Variants in FANCI observed in about 807,000 individuals in gnomAD.
FANCI encodes Fanconi anemia group I protein.
In FANCI, 156 loss-of-function variants were observed where a neutral mutation model predicts 176.1. That is an observed-to-expected ratio of 0.89 (90% CI 0.78 to 1.01). The LOEUF is 1.01. Among genes scored for constraint, FANCI ranks in the 50% least tolerant of loss-of-function variants. The pLI, the probability that FANCI is intolerant of heterozygous loss-of-function variation, is 0.00. For synonymous variants in FANCI, 613 were observed against 541.7 expected (o/e 1.13, Z -1.83); for missense variants, 1,678 against 1,534.1 (o/e 1.09, Z -1.57).
rs746829046 is a variant in FANCI at position 89,306,086 on chromosome 15, A to G, written c.3429A>G (p.Thr1143=). The change falls in exon 32 of 38, where the codon ACA becomes ACG. Residue 1143 remains threonine (T), a synonymous_variant. Coordinates refer to ENST00000310775, the MANE Select transcript of FANCI (RefSeq NM_001113378.2). The part of the protein sequence containing the change: ...AIIMQLGTLL[T]FFHELVQTAL... ...TCATGCAACTGGGAACTCTGCTTAC[A>G]TTTTTCCACGAGCTGGTGCAGACAG... 4 of 1,614,132 alleles carry G rather than the reference A, an allele frequency of 2.5e-6. No individual in the cohort carries two copies. The East Asian group carries it at 6.7e-5, about 27-fold the overall frequency.
chr15:89,249,004 G>T (rs573733896), intron 2 of FANCI, among the ~76,000 whole-genome samples: 1 of 152,196 alleles, frequency 6.6e-6, no homozygotes, highest in South Asian at 2.1e-4. Context: ...GTGAGACCCA[G>T]TTTCTAAAAA....
intron 37 of FANCI, among the ~76,000 whole-genome samples, chr15:89,315,905 A>G (rs1447520706): frequency 1.3e-5 from 2 of 152,170 alleles, no homozygotes; most frequent in Non-Finnish European, 2.9e-5. Context: ...CCTTACTTCT[A>G]GCACCTAAAA....
At position 89,301,358 on chromosome 15, in the gene FANCI, G is replaced by A; in HGVS notation, c.2922G>A (p.Glu974=). 1 of 1,614,068 alleles carries A rather than the reference G, an allele frequency of 6.2e-7. No homozygotes were observed. Among genetic ancestry groups the A allele is most frequent in the Non-Finnish European group, 8.5e-7 (1 of 1,179,970 alleles). ...RSLLNLLSSQ[E]EDFNSKEALL... is the part of the protein sequence containing the mutation. ...TGTTGAATTTACTTAGCAGTCAAGA[G>A]GAAGATTTTAATAGCAAAGAAGCCC... Residue 974 remains glutamate, a synonymous_variant, in exon 27 of 38, where the codon GAG becomes GAA. Coordinates refer to ENST00000310775, the MANE Select transcript of FANCI (RefSeq NM_001113378.2).
intron 9 of FANCI, among the ~76,000 whole-genome samples, chr15:89,265,430 C>G (rs2052899376): frequency 6.6e-6 from 1 of 152,018 alleles, no homozygotes; most frequent in African/African-American, 2.4e-5. Context: ...TGGTCTCAAA[C>G]TCCTGGCCTG....
intron 36 of FANCI, 91 bp from the exon 37 acceptor site, chr15:89,315,187 GGAAA>G: frequency 1.1e-6 from 1 of 901,074 alleles, no homozygotes; most frequent in Non-Finnish European, 1.9e-6. Flanking sequence ...AGGTAGAAAT[GGAAA>G]GGTTTCTCAG....
intron 24 of FANCI, among the ~76,000 whole-genome samples, chr15:89,296,631 T>A (rs145512416): frequency 0.011 from 1,701 of 152,304 alleles, 30 homozygotes; most frequent in African/African-American, 0.039. Flanking sequence ...GATTTCTCAA[T>A]CTTTTCCCCA....
chr15:89,311,603 T>C (rs1427233338), intron 34 of FANCI, among the ~76,000 whole-genome samples: 8 of 152,174 alleles, frequency 5.3e-5, no homozygotes, highest in Non-Finnish European at 1.0e-4. Flanking sequence ...CCTTGCCCTC[T>C]TCTGCTGCCT....
chr15:89,246,194 C>T (rs1478657791), intron 1 of FANCI, among the ~76,000 whole-genome samples: 1 of 152,178 alleles, frequency 6.6e-6, no homozygotes, highest in Non-Finnish European at 1.5e-5. Context: ...CATAGCTACT[C>T]ACTGAATTCT....
At chr15:89,285,515 T>C (rs1332246665) in intron 18 of FANCI, among the ~76,000 whole-genome samples, 5 of 152,172 alleles carry the variant, frequency 3.3e-5, no homozygotes, top group Admixed American at 6.5e-5. Context: ...TGGTCCCAGC[T>C]ACTCAGGAGG....
At chr15:89,260,619 T>C (rs75576496) in intron 3 of FANCI, 94 bp from the exon 4 acceptor site, 1 of 1,494,748 alleles carries the variant, frequency 6.7e-7, no homozygotes. Flanking sequence ...GATAATTCTG[T>C]TTTTTTGTAT....
At chr15:89,313,161 G>A (rs2055037452) in intron 35 of FANCI, among the ~76,000 whole-genome samples, 189 bp downstream of exon 35, 1 of 150,704 alleles carries the variant, frequency 6.6e-6, no homozygotes, top group South Asian at 2.1e-4. Context: ...AAGATGGGGA[G>A]ACTGGGGTGA....
chr15:89,316,994 A>AT lies in FANCI; in HGVS notation c.*536dup, dbSNP rs1179893591. ...TTAGGAGGGTCTGTTTTCTTTTTAT[A>AT]TAAGTGTGTCTTAGATATATTTTAA... is the stretch of plus-strand genomic sequence containing the variant. On this transcript the variant is annotated 3_prime_UTR_variant, in exon 38 of 38. Transcript: ENST00000310775. 26 of 655,616 alleles carry AT rather than the reference A, an allele frequency of 4.0e-5. No individual in the cohort carries two copies. Among genetic ancestry groups the AT allele is most frequent in the Non-Finnish European group, 6.0e-5 (22 of 364,542 alleles). The allele number at this position is 655,616 out of a possible 1,614,324, so 40.6% of individuals were successfully genotyped here. A position where few individuals can be genotyped will look rare whatever the true frequency, so the allele number is the denominator to read the frequency against.
At chr15:89,274,599 C>T (rs1349649817) in intron 12 of FANCI, among the ~76,000 whole-genome samples, 20 of 82,842 alleles carry the variant, frequency 2.4e-4, no homozygotes, top group African/African-American at 4.7e-4. Flanking sequence ...TCTTTCTTTC[C>T]TTTTTTTTTT....
At chr15:89,307,812 C>G (rs899121163) in intron 34 of FANCI, 140 bp downstream of exon 34, 2 of 1,546,316 alleles carry the variant, frequency 1.3e-6, no homozygotes, top group African/African-American at 2.7e-5. Context: ...CATCAGAGAC[C>G]AAGCCAAGGC....
intron 37 of FANCI, 151 bp from the exon 38 acceptor site, chr15:89,316,246 A>T (rs2055250235): frequency 5.1e-6 from 4 of 791,140 alleles, no homozygotes; most frequent in South Asian, 3.2e-5. Flanking sequence ...CTTCTTCAAC[A>T]ACATAATTAC....
intron 24 of FANCI, among the ~76,000 whole-genome samples, chr15:89,295,732 G>GGCCCC (rs2054236252): frequency 8.7e-6 from 1 of 114,460 alleles, no homozygotes; most frequent in Non-Finnish European, 1.9e-5. Flanking sequence ...TTCCCCTGGC[G>GGCCCC]CCCCCCCCAC....
intron 27 of FANCI, among the ~76,000 whole-genome samples, chr15:89,303,535 G>C (rs1194350498): frequency 6.6e-6 from 1 of 152,148 alleles, no homozygotes; most frequent in Non-Finnish European, 1.5e-5. Context: ...CTCAAGTGGA[G>C]AGTCTGGGGG....
chr15:89,267,439 A>G (rs918406993), intron 9 of FANCI, among the ~76,000 whole-genome samples: 3 of 151,620 alleles, frequency 2.0e-5, no homozygotes, highest in Non-Finnish European at 4.4e-5. Flanking sequence ...TGAGATGTTA[A>G]TTAAGATGGG....
intron 10 of FANCI, among the ~76,000 whole-genome samples, chr15:89,270,743 A>C (rs1298288397): frequency 1.3e-5 from 2 of 152,088 alleles, no homozygotes; most frequent in African/African-American, 2.4e-5. Context: ...AAATTACCCA[A>C]ATTTAGCCAG....
Sources: allele counts gnomAD v4.1 joint callset (sites outside exome capture counted in the v4.1 genomes callset), GRCh38; gene constraint gnomAD v4.1.1; transcripts MANE v1.5; gene names NCBI Gene and HGNC (gene_info 2026-07-23, HGNC 2026-07-21).